Variants in APBA2 observed in about 807,000 individuals in gnomAD.
APBA2 encodes amyloid beta precursor protein binding family A member 2, also known as amyloid-beta A4 precursor protein-binding family A member 2.
A neutral mutation model predicts 75.0 loss-of-function variants in APBA2; 30 were observed. That is an observed-to-expected ratio of 0.40 (90% CI 0.30 to 0.54). APBA2 has a LOEUF of 0.54. Ranked by LOEUF, APBA2 falls within the 20% of genes least tolerant of loss-of-function variation. APBA2 has a pLI of 0.49. For missense variants in APBA2, 801 were observed against 1,016.1 expected (o/e 0.79, Z 2.88); for synonymous variants, 444 against 409.6 (o/e 1.08, Z -1.01).
intron 2 of APBA2, among the ~76,000 whole-genome samples, chr15:28,966,864 A>G (rs954585832): frequency 5.9e-5 from 9 of 152,248 alleles, no homozygotes; most frequent in African/African-American, 2.2e-4. Flanking sequence ...TGTAAATATT[A>G]TGTCAGCCTA....
At chr15:29,064,807 A>G (rs888042292) in intron 4 of APBA2, among the ~76,000 whole-genome samples, 3 of 152,142 alleles carry the variant, frequency 2.0e-5, no homozygotes, top group East Asian at 3.9e-4. Flanking sequence ...GGAAGGCCAG[A>G]TGTAGCAGGG....
intron 4 of APBA2, among the ~76,000 whole-genome samples, chr15:29,066,042 C>T (rs1231856142): frequency 6.6e-6 from 1 of 152,192 alleles, no homozygotes; most frequent in Non-Finnish European, 1.5e-5. Context: ...TTCTCATTAG[C>T]CCCTGTCCTT....
At chr15:28,959,806 ACT>A (rs1053305521) in intron 2 of APBA2, among the ~76,000 whole-genome samples, 1 of 152,140 alleles carries the variant, frequency 6.6e-6, no homozygotes, top group African/African-American at 2.4e-5. Flanking sequence ...TGAAACTGAC[ACT>A]CTACGGAAAC....
chr15:28,997,679 G>T (rs866912314), intron 3 of APBA2, among the ~76,000 whole-genome samples: 2 of 152,158 alleles, frequency 1.3e-5, no homozygotes, highest in African/African-American at 4.8e-5. Context: ...TATGGAACCT[G>T]GGGTGTCATT....
intron 3 of APBA2, among the ~76,000 whole-genome samples, chr15:29,053,334 A>C (rs983492889): frequency 1.3e-5 from 2 of 152,020 alleles, no homozygotes; most frequent in African/African-American, 4.8e-5. Flanking sequence ...GTTCAGTTTG[A>C]GGGGGAAGAG....
intron 3 of APBA2, among the ~76,000 whole-genome samples, chr15:29,033,223 C>T (rs2040571488): frequency 6.6e-6 from 1 of 151,718 alleles, no homozygotes; most frequent in South Asian, 2.1e-4. Flanking sequence ...AGACAAGGCC[C>T]ACGTCTGCTG....
Position 29,107,461 on chromosome 15 carries a change from A to G in APBA2, c.1917+642A>G, listed in dbSNP as rs561903930. Among the ~76,000 whole-genome samples the G allele has an allele frequency of 1.2e-4, 19 of 152,192 alleles. No homozygotes were observed. The South Asian group carries it at 3.3e-3, about 27-fold the overall frequency. On this transcript the variant is annotated intron_variant, in intron 12 of 14. Transcript: ENST00000683413. ...GGCCTGGCCCCCAGCCCTCTGTGGC[A>G]TGTTCCTCCCCACCCTGCTGTGGTC... is the stretch of plus-strand genomic sequence containing the variant.
rs1334712620 is a variant in APBA2, at chr15:28,977,991, G to A, written c.-94-17762G>A. ...GCTCTGCCACTCAGGGGCTGTGTGT[G>A]CAGATAGGCTGCATCTATTGTCCAA... On this transcript the variant is annotated intron_variant, in intron 2 of 14. Coordinates refer to ENST00000683413, the MANE Select transcript of APBA2 (RefSeq NM_001353788.2). 3.3e-5 allele frequency among the ~76,000 whole-genome samples: 5 copies of A among 152,230 alleles called. No individual in the cohort carries two copies. In the East Asian group the frequency reaches 9.6e-4, roughly 29 times the overall value.
intron 2 of APBA2, among the ~76,000 whole-genome samples, chr15:28,957,741 G>A (rs1025508436): frequency 2.0e-5 from 3 of 152,180 alleles, no homozygotes; most frequent in African/African-American, 7.2e-5. Flanking sequence ...TGTAGGAGAG[G>A]GCGACGGGTG....
At chr15:29,002,911 C>T (rs149921532) in intron 3 of APBA2, among the ~76,000 whole-genome samples, 32 of 152,042 alleles carry the variant, frequency 2.1e-4, no homozygotes, top group Admixed American at 1.9e-3. Flanking sequence ...TCTTTCATCT[C>T]GAAGGATGAA....
At chr15:28,944,129 T>C (rs2035401760) in intron 2 of APBA2, among the ~76,000 whole-genome samples, 1 of 152,226 alleles carries the variant, frequency 6.6e-6, no homozygotes, top group Admixed American at 6.5e-5. Context: ...TGACTGAGTA[T>C]TGCTGATGGC....
intron 4 of APBA2, among the ~76,000 whole-genome samples, chr15:29,068,879 CAT>C (rs1409986420): frequency 6.6e-6 from 1 of 152,186 alleles, no homozygotes; most frequent in African/African-American, 2.4e-5. Context: ...ACACACGTAA[CAT>C]AAAGTTTACC....
At chr15:28,913,327 T>C (rs1046312535) in intron 1 of APBA2, among the ~76,000 whole-genome samples, 1 of 152,116 alleles carries the variant, frequency 6.6e-6, no homozygotes, top group African/African-American at 2.4e-5. Flanking sequence ...CTGGTGCCCT[T>C]TCACACCTTG....
chr15:29,115,784 C>G (rs75655549), intron 14 of APBA2, among the ~76,000 whole-genome samples: 1,856 of 152,302 alleles, frequency 0.012, 35 homozygotes, highest in African/African-American at 0.039. Context: ...AAACCTACAT[C>G]GGCCACACAG....
chr15:28,984,748 A>C (rs559306116), intron 2 of APBA2, among the ~76,000 whole-genome samples: 53 of 129,662 alleles, frequency 4.1e-4, no homozygotes, highest in Admixed American at 1.2e-3. Flanking sequence ...CTGTCTCTCT[A>C]TCTCTCTCCC....
intron 9 of APBA2, among the ~76,000 whole-genome samples, chr15:29,099,853 C>CT (rs929186209): frequency 6.6e-6 from 1 of 152,224 alleles, no homozygotes; most frequent in Non-Finnish European, 1.5e-5. Flanking sequence ...TCTGAACCTC[C>CT]TAATACCCAC....
chr15:29,114,535 C>T (rs1182630609), intron 14 of APBA2, among the ~76,000 whole-genome samples: 3 of 152,030 alleles, frequency 2.0e-5, no homozygotes, highest in South Asian at 2.1e-4. Flanking sequence ...GGGGAGGTGG[C>T]ACATACACCG....
chr15:29,028,037 A>G (rs2040311017), intron 3 of APBA2, among the ~76,000 whole-genome samples: 1 of 151,312 alleles, frequency 6.6e-6, no homozygotes, highest in East Asian at 1.9e-4. Context: ...CAGGATGTGC[A>G]GCAGGTTTGT....
At chr15:29,002,455 G>T (rs2038898494) in intron 3 of APBA2, among the ~76,000 whole-genome samples, 2 of 152,072 alleles carry the variant, frequency 1.3e-5, no homozygotes, top group South Asian at 4.1e-4. Context: ...GTGATGGCAT[G>T]CCACCCTGGA....
Sources: allele counts gnomAD v4.1 joint callset (sites outside exome capture counted in the v4.1 genomes callset), GRCh38; gene constraint gnomAD v4.1.1; transcripts MANE v1.5; gene names NCBI Gene and HGNC (gene_info 2026-07-23, HGNC 2026-07-21).